ASB6: variants seen among roughly 807,000 people sequenced by gnomAD.
ASB6 encodes ankyrin repeat and SOCS box containing 6, also known as ankyrin repeat and SOCS box protein 6.
Under a neutral mutation model 28.6 loss-of-function variants are expected in ASB6, and 24 were observed. The ratio of observed to expected loss-of-function variants is 0.84; its 90% CI spans 0.61 to 1.18. The LOEUF is 1.18. Ranked by LOEUF, ASB6 falls within the 50% of genes most tolerant of loss-of-function variation. ASB6 has a pLI of 0.00. For synonymous variants in ASB6, 267 were observed against 243.4 expected, an observed-to-expected ratio of 1.10 and a Z score of -0.90; for missense variants, 519 against 559.8, an observed-to-expected ratio of 0.93 and a Z score of 0.74.
At chr9:129,641,785 C>T in intron 1 of ASB6, 102 bp downstream of exon 1, 1 of 1,212,224 alleles carries the variant, frequency 8.2e-7, no homozygotes, top group South Asian at 1.7e-5. Context: ...GTCCCTTCCT[C>T]TGTCAAGGGG....
chr9:129,641,874 G>C lies in ASB6; in HGVS notation c.113+13C>G. On this transcript the variant is annotated intron_variant, in intron 1 of 5. Coordinates refer to ENST00000277458, the MANE Select transcript of ASB6 (RefSeq NM_017873.4). The stretch of plus-strand genomic sequence containing the variant: ...GAGCGGCCTCGGCCAGCTCACGGGA[G>C]GGGGTGAGTTACCGGTCCAGAGACT... 2 of 1,583,262 alleles carry C rather than the reference G, an allele frequency of 1.3e-6. No individual in the cohort carries two copies. The highest frequency in any genetic ancestry group is 3.4e-4 in the Middle Eastern group (2 of 5,964).
chr9:129,638,222 G>C lies in ASB6; in HGVS notation c.834C>G (p.Arg278=), dbSNP rs147646166. The part of the protein sequence containing the change: ...KSFKLHFPLL[R]FLLESGAAYN... Reference sequence around the variant, plus strand: ...AGGCGGCTCCGGACTCCAGGAGGAAGCGCAGGAGAGGGAAGTGCAGTTTAA... The same window carrying C: ...AGGCGGCTCCGGACTCCAGGAGGAACCGCAGGAGAGGGAAGTGCAGTTTAA... The change falls in exon 6 of 6, where the codon CGC becomes CGG. Residue 278 remains arginine, a synonymous_variant. Coordinates refer to ENST00000277458, the MANE Select transcript of ASB6 (RefSeq NM_017873.4). 459 of 1,613,520 alleles carry C rather than the reference G, an allele frequency of 2.8e-4. No homozygotes were observed. The highest frequency in any genetic ancestry group is 3.8e-4 in the Non-Finnish European group (447 of 1,179,862).
At position 129,635,584 on chromosome 9, in the gene ASB6, G is replaced by A. The variant is rs1349540502; in HGVS notation, c.*2206C>T. On this transcript the variant is annotated 3_prime_UTR_variant, in exon 6 of 6. Transcript: ENST00000277458. The stretch of plus-strand genomic sequence containing the variant: ...TGTCGAGGCACCACTAAATATAGCT[G>A]TCTGCCGTCCACTCATTATGCGGGC... 2 of 1,222,658 alleles carry A rather than the reference G, an allele frequency of 1.6e-6. No individual in the cohort carries two copies. Among genetic ancestry groups the A allele is most frequent in the Non-Finnish European group, 2.3e-6 (2 of 876,428 alleles). The allele number at this position is 1,222,658 out of a possible 1,614,324, so 75.7% of individuals were successfully genotyped here. A position where few individuals can be genotyped will look rare whatever the true frequency, so the allele number is the denominator to read the frequency against.
At chr9:129,641,850 A>C (rs1488171293) in intron 1 of ASB6, 37 bp downstream of exon 1, 2 of 1,552,480 alleles carry the variant, frequency 1.3e-6, no homozygotes, top group African/African-American at 2.8e-5. Flanking sequence ...GCGGGGTCGG[A>C]GCGGCCTCGG....
At position 129,636,729 on chromosome 9, in the gene ASB6, G is replaced by A. The variant is rs1831565435; in HGVS notation, c.*1061C>T. 6.6e-6 allele frequency: 1 copy of A among 151,850 alleles called. No individual in the cohort carries two copies. Among genetic ancestry groups the A allele is most frequent in the South Asian group, 2.1e-4 (1 of 4,816 alleles). 9.4% of individuals were successfully genotyped at this position (151,850 alleles called of 1,614,324 possible). ...TAAAATGGGACCTCCACACTGTGGA[G>A]GCCCTTGCCAGTCTAGAGTGGTGCT... On this transcript the variant is annotated 3_prime_UTR_variant, in exon 6 of 6. Coordinates refer to ENST00000277458, the MANE Select transcript of ASB6 (RefSeq NM_017873.4).
At chr9:129,639,567 C>T (rs566044635) in intron 2 of ASB6, 59 bp from the exon 3 acceptor site, 84 of 1,460,954 alleles carry the variant, frequency 5.7e-5, no homozygotes, top group Non-Finnish European at 7.6e-5. Context: ...ATGGGGCCCC[C>T]GGACCCAGAG....
Position 129,637,978 on chromosome 9 carries a change from C to A in ASB6, c.1078G>T (p.Ala360Ser). ...AGCTGCCTCAAGGAGAAGTGGAGGG[C>A]CTGGATCTTTTCCGCCAGGCTGCCC... ...PVGSLAEKIQALHFSLRQLES... is the reference protein window; with the variant it reads ...PVGSLAEKIQSLHFSLRQLES... Residue 360 changes from alanine to serine, a missense_variant, in exon 6 of 6, where the codon GCC (alanine) becomes TCC (serine). Ala to Ser is a moderately conservative substitution (Grantham distance 99, BLOSUM62 1). Transcript: ENST00000277458. 6.2e-7 allele frequency: 1 copy of A among 1,606,510 alleles called. No individual in the cohort carries two copies. The highest frequency in any genetic ancestry group is 1.1e-5 in the South Asian group (1 of 89,708).
In ASB6 at chr9:129,637,641, A is replaced by T; in HGVS notation, c.*149T>A. The T allele has an allele frequency of 3.9e-6, 3 of 769,742 alleles. No homozygotes were observed. The South Asian group carries it at 8.3e-5, about 21-fold the overall frequency. The allele number at this position is 769,742 out of a possible 1,614,324, so 47.7% of individuals were successfully genotyped here. ...CACCCTTCACCACTGGAGTGATCAC[A>T]GCTTCAGGCTCTACCTGGCTGGCTT... On this transcript the variant is annotated 3_prime_UTR_variant, in exon 6 of 6. Coordinates refer to ENST00000277458, the MANE Select transcript of ASB6 (RefSeq NM_017873.4).
chr9:129,637,780 C>A lies in ASB6; in HGVS notation c.*10G>T. On this transcript the variant is annotated 3_prime_UTR_variant, in exon 6 of 6. Coordinates refer to ENST00000277458, the MANE Select transcript of ASB6 (RefSeq NM_017873.4). ...TGCCCGTGTCCCCCGTTCCTGTAGC[C>A]TGAGACCTATCAGATGTCATCTTCC... 1 of 1,508,688 alleles carries A rather than the reference C, an allele frequency of 6.6e-7. No individual in the cohort carries two copies. The highest frequency in any genetic ancestry group is 8.9e-7 in the Non-Finnish European group (1 of 1,129,016). The allele number at this position is 1,508,688 out of a possible 1,614,324, so 93.5% of individuals were successfully genotyped here.
chr9:129,639,403 C>T lies in ASB6; in HGVS notation c.401G>A (p.Arg134Gln), dbSNP rs145778904. The T allele has an allele frequency of 3.9e-5, 63 of 1,609,410 alleles. No individual in the cohort carries two copies. The highest frequency in any genetic ancestry group is 4.2e-5 in the Non-Finnish European group (49 of 1,176,584). The change falls in exon 3 of 6, where the codon CGG becomes CAG. Residue 134 changes from arginine (R) to glutamine (Q), a missense_variant and splice_region_variant. Coordinates refer to ENST00000277458, the MANE Select transcript of ASB6 (RefSeq NM_017873.4). ...HHGADVNRRD[R>Q]IHESSPLDLA... ...AAGCAAGCTGGACCTGGCACTTACC[C>T]GGTCCCTCCGATTAACGTCGGCCCC...
rs891154121 is a variant in ASB6, at chr9:129,640,794, G to A, written c.114-72C>T. 6 of 1,562,934 alleles carry A rather than the reference G, an allele frequency of 3.8e-6. No individual in the cohort carries two copies. The African/African-American group carries it at 5.4e-5, about 14-fold the overall frequency. ...TGACCGCGCAGCCTGTGGGTTGGTG[G>A]GCTTTAGTCCTGCTATCATCATCAG... On this transcript the variant is annotated intron_variant, in intron 1 of 5. Transcript: ENST00000277458.
chr9:129,634,627 T>G lies in ASB6; in HGVS notation c.*3163A>C. On this transcript the variant is annotated 3_prime_UTR_variant, in exon 6 of 6. Coordinates refer to ENST00000277458, the MANE Select transcript of ASB6 (RefSeq NM_017873.4). ...GAGGAGTTTTATAAGGGTTTTATTT[T>G]TAATAAGATGAATAGTTTAAGCTTC... 3.5e-6 allele frequency: 1 copy of G among 289,350 alleles called. No homozygotes were observed. The highest frequency in any genetic ancestry group is 6.4e-6 in the Non-Finnish European group (1 of 155,532). The allele number at this position is 289,350 out of a possible 1,614,324, so 17.9% of individuals were successfully genotyped here. A position where few individuals can be genotyped will look rare whatever the true frequency, so the allele number is the denominator to read the frequency against.
chr9:129,638,531 G>A (rs1486985449), intron 5 of ASB6, 42 bp downstream of exon 5: 1 of 1,611,754 alleles, frequency 6.2e-7, no homozygotes, highest in Non-Finnish European at 8.5e-7. Flanking sequence ...CACATCGAAG[G>A]GGCGGGTGAG....
intron 2 of ASB6, 45 bp downstream of exon 2, chr9:129,640,496 G>C: frequency 1.9e-6 from 3 of 1,571,914 alleles, no homozygotes; most frequent in African/African-American, 1.4e-5. Flanking sequence ...ACCCAGCGTC[G>C]GGCCGCGTTT....
intron 1 of ASB6, among the ~76,000 whole-genome samples, chr9:129,641,612 G>C (rs1175168800): frequency 2.0e-5 from 3 of 152,246 alleles, no homozygotes; most frequent in Non-Finnish European, 4.4e-5. Context: ...GGTGGCACAG[G>C]ACAGGCAGGC....
In ASB6 at chr9:129,635,903, G is replaced by C. The variant is rs1831524873; in HGVS notation, c.*1887C>G. The C allele has an allele frequency of 5.4e-6, 1 of 185,070 alleles. No individual in the cohort carries two copies. The highest frequency in any genetic ancestry group is 1.1e-5 in the Non-Finnish European group (1 of 88,338). 11.5% of individuals were successfully genotyped at this position (185,070 alleles called of 1,614,324 possible). ...GATCTTTACCTAGGGGAGGGACAGA[G>C]CTGGGCTGGTGGAGCCCATGGGTGC... is the stretch of plus-strand genomic sequence containing the variant. On this transcript the variant is annotated 3_prime_UTR_variant, in exon 6 of 6. Transcript: ENST00000277458.
chr9:129,641,741 C>T, intron 1 of ASB6, 146 bp downstream of exon 1: 1 of 874,840 alleles, frequency 1.1e-6, no homozygotes, highest in Non-Finnish European at 1.6e-6. Flanking sequence ...CGGGGCAGCG[C>T]GCACTCCGAG....
Position 129,639,201 on chromosome 9 carries a change from C to T in ASB6, c.511+1G>A. ...CCTGCTTTCCTGCAGGAGGCACCCA[C>T]CATGCTTGTCAGCGGCATTGACATC... is the stretch of plus-strand genomic sequence containing the variant. On this transcript the variant is annotated splice_donor_variant, in intron 4 of 5. Transcript: ENST00000277458. LOFTEE classifies it high-confidence loss of function. The T allele has an allele frequency of 6.2e-7, 1 of 1,603,066 alleles. No homozygotes were observed. The highest frequency in any genetic ancestry group is 2.2e-5 in the East Asian group (1 of 44,728).
At position 129,638,152 on chromosome 9, in the gene ASB6, T is replaced by C. The variant is rs1041817577; in HGVS notation, c.904A>G (p.Ile302Val). The C allele has an allele frequency of 4.3e-6, 7 of 1,613,850 alleles. No individual in the cohort carries two copies. The highest frequency in any genetic ancestry group is 4.0e-5 in the African/African-American group (3 of 74,902). ...TGGGAACAGAGCCTCTCAAAGATGA[T>C]GTGAAAGCCAGACCAGCAGGACGCA... ...HGASCWSGFH[I>V]IFERLCSHPG... The change falls in exon 6 of 6, where the codon ATC becomes GTC. Residue 302 changes from isoleucine to valine, a missense_variant. Coordinates refer to ENST00000277458, the MANE Select transcript of ASB6 (RefSeq NM_017873.4).
Sources: allele counts gnomAD v4.1 joint callset (sites outside exome capture counted in the v4.1 genomes callset), GRCh38; gene constraint gnomAD v4.1.1; transcripts MANE v1.5; gene names NCBI Gene and HGNC (gene_info 2026-07-23, HGNC 2026-07-21).